Variants in ST8SIA6 observed in about 807,000 individuals in gnomAD.
The protein encoded by ST8SIA6 is alpha-2,8-sialyltransferase 8F.
ST8SIA6 carries 39 observed loss-of-function variants against 33.6 expected under a neutral mutation model. The ratio of observed to expected loss-of-function variants is 1.16; its 90% CI spans 0.90 to 1.52. ST8SIA6 has a LOEUF of 1.52. Among genes scored for constraint, ST8SIA6 ranks in the 40% most tolerant of loss-of-function variants. ST8SIA6 has a pLI of 0.00. For synonymous variants in ST8SIA6, 172 were observed against 167.2 expected (o/e 1.03, Z -0.22); for missense variants, 441 against 443.8 (o/e 0.99, Z 0.06).
intron 2 of ST8SIA6, among the ~76,000 whole-genome samples, chr10:17,418,484 A>G (rs553011782): frequency 3.0e-4 from 45 of 152,306 alleles, no homozygotes; most frequent in African/African-American, 9.9e-4. Flanking sequence ...GGTTACATAC[A>G]TATGAGAAAA....
chr10:17,340,161 A>G (rs1848626552), intron 4 of ST8SIA6, among the ~76,000 whole-genome samples: 1 of 152,154 alleles, frequency 6.6e-6, no homozygotes, highest in African/African-American at 2.4e-5. Context: ...TTTGTTCTCC[A>G]TCTTAAAGTT....
intron 4 of ST8SIA6, among the ~76,000 whole-genome samples, chr10:17,347,953 C>CAAAAAAAAAAAAAAAAAAAAAAA (rs55996465): frequency 8.7e-5 from 6 of 68,634 alleles, no homozygotes; most frequent in African/African-American, 2.2e-4. Flanking sequence ...GACTCTGTCT[C>CAAAAAAAAAAAAAAAAAAAAAAA]AAAAAAAAAA....
intron 2 of ST8SIA6, among the ~76,000 whole-genome samples, chr10:17,407,189 T>G (rs1343341879): frequency 2.6e-5 from 4 of 152,240 alleles, no homozygotes; most frequent in Admixed American, 1.3e-4. Context: ...TGCTAAATGC[T>G]ATAACTTAGC....
chr10:17,338,780 C>T (rs1395808412), intron 4 of ST8SIA6, among the ~76,000 whole-genome samples: 2 of 152,220 alleles, frequency 1.3e-5, no homozygotes, highest in Non-Finnish European at 2.9e-5. Context: ...GCGAGTCTAA[C>T]TCTTGCTGCG....
At chr10:17,391,004 G>A (rs1160199813) in intron 2 of ST8SIA6, among the ~76,000 whole-genome samples, 1 of 151,384 alleles carries the variant, frequency 6.6e-6, no homozygotes, top group East Asian at 2.0e-4. Flanking sequence ...GATTATAGGC[G>A]CCTGCCATCA....
chr10:17,445,398 T>G (rs1036330353), intron 2 of ST8SIA6, among the ~76,000 whole-genome samples: 1 of 152,166 alleles, frequency 6.6e-6, no homozygotes, highest in Non-Finnish European at 1.5e-5. Flanking sequence ...GGGGAAGAGA[T>G]ATTATTAACA....
intron 4 of ST8SIA6, among the ~76,000 whole-genome samples, chr10:17,359,141 G>T (rs990929415): frequency 1.4e-4 from 21 of 152,136 alleles, no homozygotes; most frequent in African/African-American, 5.1e-4. Flanking sequence ...GTTCTAAAGG[G>T]ATGGGATTAG....
intron 2 of ST8SIA6, among the ~76,000 whole-genome samples, chr10:17,445,650 G>GCC (rs1852678470): frequency 6.6e-6 from 1 of 152,190 alleles, no homozygotes; most frequent in African/African-American, 2.4e-5. Flanking sequence ...TGTCCCCAGT[G>GCC]CCCCTTCATT....
chr10:17,354,116 A>T (rs116476382), intron 4 of ST8SIA6, among the ~76,000 whole-genome samples: 2 of 152,156 alleles, frequency 1.3e-5, no homozygotes, highest in Admixed American at 1.3e-4. Flanking sequence ...GAGCTCAAAG[A>T]TCTGCGGGGA....
intron 4 of ST8SIA6, among the ~76,000 whole-genome samples, chr10:17,348,701 T>C (rs1848930738): frequency 6.6e-6 from 1 of 152,182 alleles, no homozygotes; most frequent in African/African-American, 2.4e-5. Context: ...TTCATCATCT[T>C]CCGCTTTTTG....
chr10:17,394,552 C>T (rs374381378), intron 2 of ST8SIA6, among the ~76,000 whole-genome samples: 3 of 152,218 alleles, frequency 2.0e-5, no homozygotes, highest in South Asian at 4.2e-4. Flanking sequence ...TAAGAAGTCA[C>T]CCAGTAATGA....
chr10:17,429,796 A>G (rs1852049090), intron 2 of ST8SIA6, among the ~76,000 whole-genome samples: 1 of 151,598 alleles, frequency 6.6e-6, no homozygotes, highest in African/African-American at 2.4e-5. Flanking sequence ...TACTTTTTCA[A>G]CTTCTATTTG....
intron 2 of ST8SIA6, among the ~76,000 whole-genome samples, chr10:17,399,822 G>A (rs545391918): frequency 6.6e-6 from 1 of 151,994 alleles, no homozygotes; most frequent in Admixed American, 6.6e-5. Flanking sequence ...GGAAGCTGAG[G>A]TGGGAGGATT....
chr10:17,384,931 G>A (rs1850279087), intron 3 of ST8SIA6, among the ~76,000 whole-genome samples: 1 of 151,870 alleles, frequency 6.6e-6, no homozygotes, highest in Non-Finnish European at 1.5e-5. Flanking sequence ...GAACTTTCGG[G>A]ACCTACCCAT....
Position 17,321,202 on chromosome 10 carries a change from T to G in ST8SIA6, c.873A>C (p.Lys291Asn), listed in dbSNP as rs148146375. The G allele has an allele frequency of 3.5e-4, 558 of 1,614,122 alleles. 4 individuals carry two copies. In the African/African-American group the frequency reaches 6.8e-3, roughly 20 times the overall value. ...GGAAAAATAGAACCTTTTGTCTTGC[T>G]TTAGACTCTTCGAGCGTGTAGTATA... ...FKVYYTLEES[K>N]ARQKVLFFHP... Residue 291 changes from lysine (K) to asparagine (N), a missense_variant, in exon 8 of 8, where the codon AAA becomes AAC. Transcript: ENST00000377602.
intron 2 of ST8SIA6, among the ~76,000 whole-genome samples, chr10:17,421,302 C>T (rs565550047): frequency 6.6e-6 from 1 of 152,296 alleles, no homozygotes; most frequent in Non-Finnish European, 1.5e-5. Flanking sequence ...CTGCTTAGTC[C>T]TGTTTCCCTC....
chr10:17,355,576 T>C (rs1265316972), intron 4 of ST8SIA6, among the ~76,000 whole-genome samples: 1 of 152,206 alleles, frequency 6.6e-6, no homozygotes. Context: ...CATTCTGTAG[T>C]TACTTGTCTA....
chr10:17,367,973 A>G (rs560785841), intron 3 of ST8SIA6, among the ~76,000 whole-genome samples: 1 of 152,192 alleles, frequency 6.6e-6, no homozygotes, highest in South Asian at 2.1e-4. Context: ...CACCACCCCT[A>G]TATCTATTAC....
At chr10:17,341,708 G>A (rs374736045) in intron 4 of ST8SIA6, among the ~76,000 whole-genome samples, 32 of 151,716 alleles carry the variant, frequency 2.1e-4, no homozygotes, top group African/African-American at 7.3e-4. Context: ...AGACCAGCCT[G>A]GCCAACATGG....
Sources: gnomAD v4.1 joint callset for allele counts (sites outside exome capture counted in the v4.1 genomes callset) on GRCh38, gnomAD v4.1.1 for gene constraint, MANE v1.5 for transcripts, NCBI Gene and HGNC (gene_info 2026-07-23, HGNC 2026-07-21) for gene names.